Variants in LPP observed in about 807,000 individuals in gnomAD.
LPP encodes the protein LIM domain containing preferred translocation partner in lipoma.
LPP carries 38 observed loss-of-function variants against 60.4 expected under a neutral mutation model. The observed-to-expected ratio is 0.63, with a 90% CI of 0.49 to 0.83. The LOEUF is 0.83. Among genes scored for constraint, LPP ranks in the 40% least tolerant of loss-of-function variants. The pLI, the probability that LPP is intolerant of heterozygous loss-of-function variation, is 0.00. For missense variants in LPP, 902 were observed against 783.6 expected (o/e 1.15, Z -1.80); for synonymous variants, 328 against 290.8 (o/e 1.13, Z -1.30).
chr3:188,562,450 G>C (rs1363822670), intron 6 of LPP: 1 of 152,054 alleles, frequency 6.6e-6, no homozygotes, highest in Non-Finnish European at 1.5e-5. Flanking sequence ...CTAGAAAGGA[G>C]AGAAGATAGC....
chr3:188,248,467 T>TA (rs1560154756), intron 2 of LPP, among the ~76,000 whole-genome samples: 4 of 114,770 alleles, frequency 3.5e-5, no homozygotes, highest in African/African-American at 1.1e-4. Context: ...GCAGTATAAC[T>TA]TTATATATAT....
At chr3:188,857,578 T>C (rs1462692049) in intron 9 of LPP, among the ~76,000 whole-genome samples, 12 of 152,220 alleles carry the variant, frequency 7.9e-5, no homozygotes, top group Admixed American at 7.9e-4. Flanking sequence ...TTTTGGTGTA[T>C]AAAGGAATAT....
At chr3:188,785,949 T>A (rs936679462) in intron 9 of LPP, among the ~76,000 whole-genome samples, 5 of 152,170 alleles carry the variant, frequency 3.3e-5, no homozygotes, top group African/African-American at 1.2e-4. Context: ...CTTTTAGATA[T>A]CATCAGTATG....
intron 6 of LPP, among the ~76,000 whole-genome samples, chr3:188,551,885 G>A (rs943650974): frequency 6.6e-6 from 1 of 152,146 alleles, no homozygotes; most frequent in Non-Finnish European, 1.5e-5. Flanking sequence ...TCAGAGTAGG[G>A]TATGAAAAGG....
intron 7 of LPP, chr3:188,688,855 A>C (rs1171800557): frequency 1.9e-6 from 1 of 523,184 alleles, no homozygotes; most frequent in African/African-American, 2.0e-5. Flanking sequence ...GAGCTCCTGG[A>C]GGGCAGGCAC....
At chr3:188,278,880 C>G (rs1427252540) in intron 2 of LPP, among the ~76,000 whole-genome samples, 3 of 152,072 alleles carry the variant, frequency 2.0e-5, no homozygotes, top group Non-Finnish European at 2.9e-5. Flanking sequence ...CAGGGAACTG[C>G]CTCAGCCTGG....
At chr3:188,775,519 A>G (rs1191814241) in intron 9 of LPP, among the ~76,000 whole-genome samples, 1 of 152,204 alleles carries the variant, frequency 6.6e-6, no homozygotes, top group Non-Finnish European at 1.5e-5. Context: ...TGAAGACAAG[A>G]GAAAAAGAGA....
rs544540145 is a variant in LPP, at chr3:188,695,152, A to G, written c.1114-13115A>G. Among the ~76,000 whole-genome samples, 446 of 152,340 alleles carry G rather than the reference A, an allele frequency of 2.9e-3. 3 individuals carry two copies. The highest frequency in any genetic ancestry group is 0.011 in the African/African-American group (439 of 41,576). On this transcript the variant is annotated intron_variant, in intron 7 of 11. Transcript: ENST00000617246. ...AAGTTACTCAATATAAAACATTTTG[A>G]ACACCTACTAAGCACTCAGAATACC... is the stretch of plus-strand genomic sequence containing the variant.
chr3:188,727,878 G>T (rs952824725), intron 8 of LPP, among the ~76,000 whole-genome samples: 4 of 152,128 alleles, frequency 2.6e-5, no homozygotes, highest in Non-Finnish European at 5.9e-5. Context: ...TTTTTGCTCA[G>T]CAAATACCTA....
intron 6 of LPP, among the ~76,000 whole-genome samples, chr3:188,542,663 C>A (rs1402338061): frequency 6.6e-6 from 1 of 152,170 alleles, no homozygotes; most frequent in African/African-American, 2.4e-5. Flanking sequence ...ACATCCTACA[C>A]ACCACATGTA....
chr3:188,276,937 T>A (rs991728567), intron 2 of LPP, among the ~76,000 whole-genome samples: 4 of 135,140 alleles, frequency 3.0e-5, no homozygotes, highest in African/African-American at 8.4e-5. Context: ...CAGGTCTTAC[T>A]CTGATGCCCA....
chr3:188,569,358 T>C (rs1832971924), intron 6 of LPP, among the ~76,000 whole-genome samples: 1 of 151,848 alleles, frequency 6.6e-6, no homozygotes, highest in South Asian at 2.1e-4. Context: ...AAAGATAATC[T>C]GAATATACTT....
intron 6 of LPP, among the ~76,000 whole-genome samples, chr3:188,588,675 A>T (rs922909910): frequency 6.6e-6 from 1 of 152,204 alleles, no homozygotes; most frequent in Non-Finnish European, 1.5e-5. Context: ...GGACTAGTAG[A>T]TTGTATGTAC....
chr3:188,371,074 G>A (rs1374202796), intron 3 of LPP, among the ~76,000 whole-genome samples: 3 of 152,038 alleles, frequency 2.0e-5, no homozygotes, highest in Admixed American at 6.6e-5. Flanking sequence ...CTTATACCAC[G>A]AACATCTTCA....
chr3:188,869,998 C>T (rs955824259), intron 10 of LPP, among the ~76,000 whole-genome samples: 6 of 152,268 alleles, frequency 3.9e-5, no homozygotes, highest in Non-Finnish European at 7.4e-5. Flanking sequence ...ATTACCGTTT[C>T]CTGGAAGAAA....
chr3:188,261,695 G>A (rs1733688306), intron 2 of LPP, among the ~76,000 whole-genome samples: 1 of 151,760 alleles, frequency 6.6e-6, no homozygotes, highest in South Asian at 2.1e-4. Context: ...ATTGCTTGAG[G>A]TCAAAGGTTT....
At chr3:188,630,357 T>C (rs1460754673) in intron 7 of LPP, among the ~76,000 whole-genome samples, 1 of 152,002 alleles carries the variant, frequency 6.6e-6, no homozygotes, top group Non-Finnish European at 1.5e-5. Flanking sequence ...AACAAGCATA[T>C]GAAAAAATGC....
At chr3:188,721,006 A>C (rs1213616915) in intron 8 of LPP, among the ~76,000 whole-genome samples, 1 of 152,198 alleles carries the variant, frequency 6.6e-6, no homozygotes, top group Non-Finnish European at 1.5e-5. Context: ...AAAGTTACAG[A>C]GGCATTTAGA....
chr3:188,261,004 C>T (rs935090782), intron 2 of LPP, among the ~76,000 whole-genome samples: 8 of 152,030 alleles, frequency 5.3e-5, no homozygotes, highest in Non-Finnish European at 8.8e-5. Flanking sequence ...ACCCGGGAGG[C>T]GGAGGTTGCA....
Sources: gnomAD v4.1 joint callset for allele counts (sites outside exome capture counted in the v4.1 genomes callset) on GRCh38, gnomAD v4.1.1 for gene constraint, MANE v1.5 for transcripts, NCBI Gene and HGNC (gene_info 2026-07-23, HGNC 2026-07-21) for gene names.